The following TIPARP variants were observed in gnomAD, a reference collection of about 807,000 sequenced individuals.
TIPARP encodes TCDD inducible poly(ADP-ribose) polymerase, also known as protein mono-ADP-ribosyltransferase TIPARP.
Under a neutral mutation model 56.5 loss-of-function variants are expected in TIPARP, and 12 were observed. The observed-to-expected ratio is 0.21, with a 90% CI of 0.14 to 0.34. The LOEUF (loss-of-function observed/expected upper bound fraction) is 0.34, where lower values mean the gene tolerates loss of function less well. Ranked by LOEUF, TIPARP falls within the 10% of genes least tolerant of loss-of-function variation. The pLI, the probability that TIPARP is intolerant of heterozygous loss-of-function variation, is 1.00. For synonymous variants in TIPARP, 296 were observed against 265.7 expected (o/e 1.11, Z -1.11); for missense variants, 604 against 781.6 (o/e 0.77, Z 2.71).
intron 4 of TIPARP, among the ~76,000 whole-genome samples, chr3:156,697,477 GATAAT>G (rs949608173): frequency 1.4e-5 from 2 of 138,744 alleles, no homozygotes; most frequent in African/African-American, 2.7e-5. Flanking sequence ...GAACTATAAA[GATAAT>G]ATAAGCAGCA....
intron 4 of TIPARP, among the ~76,000 whole-genome samples, 184 bp from the exon 5 acceptor site, chr3:156,703,240 T>C (rs1393588163): frequency 6.6e-6 from 1 of 152,238 alleles, no homozygotes; most frequent in Non-Finnish European, 1.5e-5. Context: ...AGGTTATTCA[T>C]GTACAGGCGA....
At chr3:156,675,718 G>A (rs1722107251) in intron 1 of TIPARP, 1 of 152,336 alleles carries the variant, frequency 6.6e-6, no homozygotes. Flanking sequence ...AGGCTTTGGA[G>A]CGGCAGTTTT....
intron 4 of TIPARP, among the ~76,000 whole-genome samples, chr3:156,701,299 T>C (rs1223198882): frequency 3.3e-5 from 5 of 152,150 alleles, no homozygotes; most frequent in Non-Finnish European, 7.4e-5. Flanking sequence ...AACGGGTCCA[T>C]AGTAGTGATA....
chr3:156,686,884 C>T (rs762345867), intron 2 of TIPARP, among the ~76,000 whole-genome samples: 106 of 151,844 alleles, frequency 7.0e-4, no homozygotes, highest in Non-Finnish European at 6.8e-4. Flanking sequence ...ATTATAAAAA[C>T]GTTTATTTTA....
At chr3:156,699,700 CAT>C (rs373999745) in intron 4 of TIPARP, among the ~76,000 whole-genome samples, 292 of 152,272 alleles carry the variant, frequency 1.9e-3, no homozygotes, top group African/African-American at 6.6e-3. Flanking sequence ...ACTAGGTAGT[CAT>C]ATATTGATAA....
At chr3:156,697,999 C>T (rs1038285037) in intron 4 of TIPARP, among the ~76,000 whole-genome samples, 5 of 152,074 alleles carry the variant, frequency 3.3e-5, no homozygotes, top group East Asian at 3.8e-4. Context: ...GGTAAGCACA[C>T]GAATTATAAG....
intron 1 of TIPARP, among the ~76,000 whole-genome samples, chr3:156,676,070 TAG>T (rs760283418): frequency 6.6e-6 from 1 of 152,350 alleles, no homozygotes; most frequent in East Asian, 1.9e-4. Context: ...TAGGAGTGGT[TAG>T]AGAGTGTGCG....
chr3:156,674,910 C>G (rs1159162864), intron 1 of TIPARP, 114 bp downstream of exon 1: 1 of 152,812 alleles, frequency 6.5e-6, no homozygotes, highest in Non-Finnish European at 1.5e-5. Context: ...GTGCGGGGCT[C>G]TCGCGGATCG....
At chr3:156,685,738 C>G (rs1000662485) in intron 2 of TIPARP, among the ~76,000 whole-genome samples, 2 of 152,160 alleles carry the variant, frequency 1.3e-5, no homozygotes, top group Non-Finnish European at 2.9e-5. Context: ...TACGACATAG[C>G]CAAAGAGTTT....
chr3:156,682,881 G>A (rs1722340776), intron 2 of TIPARP, among the ~76,000 whole-genome samples: 1 of 152,142 alleles, frequency 6.6e-6, no homozygotes, highest in African/African-American at 2.4e-5. Flanking sequence ...TGTGTGCCTT[G>A]TGCTTTAGGA....
intron 2 of TIPARP, among the ~76,000 whole-genome samples, chr3:156,682,412 T>C (rs1024960620): frequency 1.3e-5 from 2 of 152,214 alleles, no homozygotes; most frequent in African/African-American, 4.8e-5. Context: ...AGTGTTGTCA[T>C]AGTTTTAGTT....
At chr3:156,702,305 A>G (rs1722870200) in intron 4 of TIPARP, among the ~76,000 whole-genome samples, 1 of 152,142 alleles carries the variant, frequency 6.6e-6, no homozygotes, top group African/African-American at 2.4e-5. Context: ...AATCTCTCTA[A>G]ACCTCAGTTT....
chr3:156,690,635 A>G (rs925106346), intron 2 of TIPARP, among the ~76,000 whole-genome samples: 3 of 152,166 alleles, frequency 2.0e-5, no homozygotes, highest in Admixed American at 2.0e-4. Context: ...AATAGCAAAA[A>G]TCAGCAGTCT....
At chr3:156,677,351 A>T (rs1422816978) in intron 1 of TIPARP, among the ~76,000 whole-genome samples, 1 of 152,118 alleles carries the variant, frequency 6.6e-6, no homozygotes, top group African/African-American at 2.4e-5. Flanking sequence ...CCCCACTCTA[A>T]CCTTATAGTA....
At chr3:156,698,145 C>A (rs1295330717) in intron 4 of TIPARP, among the ~76,000 whole-genome samples, 1 of 152,022 alleles carries the variant, frequency 6.6e-6, no homozygotes, top group Non-Finnish European at 1.5e-5. Context: ...CTTTCAAGGC[C>A]GAGAGAGGTG....
At chr3:156,683,768 G>A (rs554069855) in intron 2 of TIPARP, among the ~76,000 whole-genome samples, 17 of 152,252 alleles carry the variant, frequency 1.1e-4, no homozygotes, top group Non-Finnish European at 1.0e-4. Flanking sequence ...TTCTGGGTTT[G>A]GGTGCTATTC....
intron 2 of TIPARP, 41 bp from the exon 3 acceptor site, chr3:156,693,979 T>A: frequency 6.4e-7 from 1 of 1,553,346 alleles, no homozygotes; most frequent in East Asian, 2.3e-5. Context: ...ACAAATTTAT[T>A]AACAGGTTTT....
intron 4 of TIPARP, among the ~76,000 whole-genome samples, chr3:156,700,261 G>C (rs1351191220): frequency 2.0e-5 from 3 of 151,498 alleles, no homozygotes; most frequent in East Asian, 3.9e-4. Flanking sequence ...GGTGGATGCT[G>C]CCATCCCCAG....
intron 5 of TIPARP, among the ~76,000 whole-genome samples, chr3:156,703,967 T>C (rs959435610): frequency 3.5e-5 from 5 of 144,690 alleles, no homozygotes; most frequent in Admixed American, 7.2e-5. Flanking sequence ...GAGCCGAGAT[T>C]GCGCCACTGC....
Sources: gnomAD v4.1 joint callset for allele counts (sites outside exome capture counted in the v4.1 genomes callset) on GRCh38, gnomAD v4.1.1 for gene constraint, MANE v1.5 for transcripts, NCBI Gene and HGNC (gene_info 2026-07-23, HGNC 2026-07-21) for gene names.